Variants in KCTD16 observed in about 807,000 individuals in gnomAD.
The protein encoded by KCTD16 is potassium channel tetramerization domain containing 16.
KCTD16 carries 13 observed loss-of-function variants against 33.2 expected under a neutral mutation model. That is an observed-to-expected ratio of 0.39 (90% confidence interval 0.25 to 0.62). The LOEUF (loss-of-function observed/expected upper bound fraction) is 0.62. Ranked by LOEUF, KCTD16 falls within the 20% of genes least tolerant of loss-of-function variation. The pLI, the probability that KCTD16 is intolerant of heterozygous loss-of-function variation, is 0.50. For missense variants in KCTD16, 441 were observed against 525.1 expected (o/e 0.84, Z 1.57); for synonymous variants, 197 against 195.3 (o/e 1.01, Z -0.07).
Position 144,255,289 on chromosome 5 carries a change from C to G in KCTD16, c.832+47743C>G, listed in dbSNP as rs747435868. Among the ~76,000 whole-genome samples the G allele has an allele frequency of 2.6e-4, 39 of 152,296 alleles. 1 individual carries two copies. The highest frequency in any genetic ancestry group is 6.8e-3 in the Middle Eastern group (2 of 294). On this transcript the variant is annotated intron_variant, in intron 3 of 3. Transcript: ENST00000512467. ...TAGTGCTGCAATAAACATAGGAGTGCAGGTATCTCTTTGAAAGCCTCAAAT... is the reference window on the plus strand; with the variant it reads ...TAGTGCTGCAATAAACATAGGAGTGGAGGTATCTCTTTGAAAGCCTCAAAT...
chr5:144,436,182 G>A (rs1473951220), intron 3 of KCTD16, among the ~76,000 whole-genome samples: 1 of 152,152 alleles, frequency 6.6e-6, no homozygotes, highest in Non-Finnish European at 1.5e-5. Flanking sequence ...TTGGGCTAAA[G>A]CTAAATCCTG....
chr5:144,176,627 C>T (rs1752514131), intron 2 of KCTD16, among the ~76,000 whole-genome samples: 1 of 151,698 alleles, frequency 6.6e-6, no homozygotes, highest in Non-Finnish European at 1.5e-5. Flanking sequence ...TGGTCTCGAT[C>T]TCCTGACCTC....
At chr5:144,305,440 G>C (rs976973675) in intron 3 of KCTD16, among the ~76,000 whole-genome samples, 3 of 152,128 alleles carry the variant, frequency 2.0e-5, no homozygotes, top group African/African-American at 7.2e-5. Context: ...CAATCTGACT[G>C]GTGTCTTTAT....
At chr5:144,171,345 A>G (rs1004114331) in intron 1 of KCTD16, among the ~76,000 whole-genome samples, 1 of 152,222 alleles carries the variant, frequency 6.6e-6, no homozygotes, top group Non-Finnish European at 1.5e-5. Flanking sequence ...AGAAAGGGCA[A>G]CGGGAAAGGA....
Position 144,434,102 on chromosome 5 carries a change from T to A in KCTD16, c.833-39558T>A, listed in dbSNP as rs974911960. Among the ~76,000 whole-genome samples the A allele has an allele frequency of 3.9e-5, 6 of 152,276 alleles. No individual in the cohort carries two copies. The East Asian group carries it at 1.2e-3, about 29-fold the overall frequency. ...TGCTTTCTTCAATGAAACTAAAGGATCCACTGAGCCAGTCTGAGCTGGGAG... is the reference window on the plus strand; with the variant it reads ...TGCTTTCTTCAATGAAACTAAAGGAACCACTGAGCCAGTCTGAGCTGGGAG... On this transcript the variant is annotated intron_variant, in intron 3 of 3. Transcript: ENST00000512467.
chr5:144,449,829 T>G (rs564654166), intron 3 of KCTD16, among the ~76,000 whole-genome samples: 5 of 152,090 alleles, frequency 3.3e-5, no homozygotes, highest in African/African-American at 1.2e-4. Flanking sequence ...AAACATAAGA[T>G]CTGAAATTAT....
intron 3 of KCTD16, among the ~76,000 whole-genome samples, chr5:144,300,695 A>C: frequency 6.6e-6 from 1 of 152,232 alleles, no homozygotes. Context: ...GAGTACGGCC[A>C]TATAAACTCA....
intron 3 of KCTD16, among the ~76,000 whole-genome samples, chr5:144,328,632 CTG>C (rs1349673462): frequency 6.6e-6 from 1 of 151,826 alleles, no homozygotes; most frequent in African/African-American, 2.4e-5. Flanking sequence ...TGTAAACTAA[CTG>C]TGGCTCCTAA....
chr5:144,431,622 A>G (rs1753464688), intron 3 of KCTD16, among the ~76,000 whole-genome samples: 1 of 152,138 alleles, frequency 6.6e-6, no homozygotes, highest in Non-Finnish European at 1.5e-5. Context: ...AGTCTGTGAG[A>G]GGAGCCAAGA....
intron 3 of KCTD16, among the ~76,000 whole-genome samples, chr5:144,210,774 T>C (rs1414281962): frequency 6.6e-6 from 1 of 152,132 alleles, no homozygotes; most frequent in Non-Finnish European, 1.5e-5. Flanking sequence ...AGTGGGAAGA[T>C]TGTTCTTGGT....
chr5:144,259,928 C>T (rs1754959893), intron 3 of KCTD16, among the ~76,000 whole-genome samples: 1 of 152,168 alleles, frequency 6.6e-6, no homozygotes, highest in Non-Finnish European at 1.5e-5. Context: ...CCCGTTCTGT[C>T]ATGTCATAAT....
At chr5:144,177,380 G>A (rs1325831284) in intron 2 of KCTD16, among the ~76,000 whole-genome samples, 1 of 152,188 alleles carries the variant, frequency 6.6e-6, no homozygotes, top group Non-Finnish European at 1.5e-5. Flanking sequence ...TCCTAGGGAT[G>A]CTGTAACAAA....
chr5:144,259,862 A>G (rs1754958181), intron 3 of KCTD16, among the ~76,000 whole-genome samples: 1 of 152,206 alleles, frequency 6.6e-6, no homozygotes, highest in South Asian at 2.1e-4. Context: ...CATTTTCTTT[A>G]TAGTACCTTA....
chr5:144,372,466 G>C (rs1262535234), intron 3 of KCTD16, among the ~76,000 whole-genome samples: 4 of 152,198 alleles, frequency 2.6e-5, no homozygotes, highest in African/African-American at 9.6e-5. Flanking sequence ...TTGGATAAGG[G>C]TGGGACTGCC....
chr5:144,371,734 G>A (rs1751971323), intron 3 of KCTD16, among the ~76,000 whole-genome samples: 1 of 151,602 alleles, frequency 6.6e-6, no homozygotes, highest in African/African-American at 2.4e-5. Context: ...ATTCATCTTG[G>A]ATGCTGTCTT....
intron 3 of KCTD16, among the ~76,000 whole-genome samples, chr5:144,425,346 T>G (rs770324042): frequency 2.0e-5 from 3 of 151,948 alleles, no homozygotes; most frequent in Non-Finnish European, 4.4e-5. Context: ...ATAGCCTTGT[T>G]GGGCTCATCC....
At chr5:144,469,448 G>A (rs1185564091) in intron 3 of KCTD16, among the ~76,000 whole-genome samples, 5 of 152,100 alleles carry the variant, frequency 3.3e-5, no homozygotes, top group Non-Finnish European at 5.9e-5. Flanking sequence ...GTGTATTGAT[G>A]GAAACATTAT....
intron 3 of KCTD16, among the ~76,000 whole-genome samples, chr5:144,280,987 G>A (rs574873176): frequency 1.1e-4 from 16 of 148,590 alleles, no homozygotes; most frequent in Admixed American, 3.3e-4. Context: ...CCCGACAGGC[G>A]GAGGTTGCAG....
intron 3 of KCTD16, among the ~76,000 whole-genome samples, chr5:144,277,637 T>G (rs1192387148): frequency 3.9e-5 from 6 of 152,360 alleles, no homozygotes; most frequent in African/African-American, 1.4e-4. Context: ...CATTGTATTT[T>G]GCAATCCTAT....
Sources: allele counts gnomAD v4.1 joint callset (sites outside exome capture counted in the v4.1 genomes callset), GRCh38; gene constraint gnomAD v4.1.1; transcripts MANE v1.5; gene names NCBI Gene and HGNC (gene_info 2026-07-23, HGNC 2026-07-21).